L3MBTL4: variants seen among roughly 807,000 people sequenced by gnomAD.
L3MBTL4 encodes L3MBTL histone methyl-lysine binding protein 4.
L3MBTL4 carries 70 observed loss-of-function variants against 84.5 expected under a neutral mutation model. The observed-to-expected ratio is 0.83, with a 90% CI of 0.68 to 1.01. The LOEUF is 1.01. L3MBTL4 is among the 50% of genes least tolerant of loss of function. L3MBTL4 has a pLI of 0.00. For synonymous variants in L3MBTL4, 274 were observed against 259.8 expected, an observed-to-expected ratio of 1.05 and a Z score of -0.52; for missense variants, 715 against 754.8, an observed-to-expected ratio of 0.95 and a Z score of 0.62.
intron 17 of L3MBTL4, among the ~76,000 whole-genome samples, chr18:5,965,156 T>C (rs1387395861): frequency 2.6e-5 from 4 of 152,118 alleles, no homozygotes; most frequent in African/African-American, 9.7e-5. Context: ...TCTCGTCTGG[T>C]CTTTCATTTT....
chr18:6,214,552 A>G (rs1021271053), intron 11 of L3MBTL4, among the ~76,000 whole-genome samples: 3 of 152,222 alleles, frequency 2.0e-5, no homozygotes, highest in African/African-American at 7.2e-5. Context: ...AACCCAACTA[A>G]TATGTCAGTA....
At position 6,143,579 on chromosome 18, in the gene L3MBTL4, C is replaced by T. The variant is rs78386062; in HGVS notation, c.1097-5283G>A. ...CGAATGTTTTTGTTCAGAAAATAAT[C>T]GTATTTTTGCCAAGAATAGCTTACT... On this transcript the variant is annotated intron_variant, in intron 13 of 18. Transcript: ENST00000317931. 2.0e-3 allele frequency among the ~76,000 whole-genome samples: 297 copies of T among 152,212 alleles called. 4 individuals are homozygous for T. In the East Asian group the frequency reaches 0.05, roughly 25 times the overall value.
chr18:6,227,600 G>A (rs558689838), intron 10 of L3MBTL4, among the ~76,000 whole-genome samples: 1 of 152,094 alleles, frequency 6.6e-6, no homozygotes, highest in South Asian at 2.1e-4. Flanking sequence ...CACCAAGAGA[G>A]GAATATTTCC....
intron 16 of L3MBTL4, among the ~76,000 whole-genome samples, chr18:5,973,847 G>A (rs138793128): frequency 3.9e-5 from 6 of 152,276 alleles, no homozygotes; most frequent in Non-Finnish European, 7.4e-5. Context: ...CCAGTTGCAC[G>A]ACCTCATTGC....
chr18:6,350,521 C>A, intron 1 of L3MBTL4, among the ~76,000 whole-genome samples: 1 of 150,612 alleles, frequency 6.6e-6, no homozygotes, highest in Non-Finnish European at 1.5e-5. Flanking sequence ...AATGAGATAC[C>A]ACTTTACACA....
At chr18:5,976,607 C>T (rs929807494) in intron 16 of L3MBTL4, among the ~76,000 whole-genome samples, 3 of 152,076 alleles carry the variant, frequency 2.0e-5, no homozygotes, top group Non-Finnish European at 4.4e-5. Flanking sequence ...TCTAGAGGAG[C>T]GGAAGAGTCT....
chr18:6,155,766 G>T (rs1269882532), intron 13 of L3MBTL4, among the ~76,000 whole-genome samples: 1 of 152,082 alleles, frequency 6.6e-6, no homozygotes, highest in Non-Finnish European at 1.5e-5. Flanking sequence ...TTTTAGGTTT[G>T]TGTATATTTG....
chr18:6,189,952 A>G (rs879469382), intron 12 of L3MBTL4, among the ~76,000 whole-genome samples: 1 of 152,238 alleles, frequency 6.6e-6, no homozygotes, highest in Non-Finnish European at 1.5e-5. Context: ...GAAAATGGGC[A>G]GAATCAATGT....
intron 1 of L3MBTL4, among the ~76,000 whole-genome samples, chr18:6,382,069 A>T (rs1335619532): frequency 6.6e-6 from 1 of 151,966 alleles, no homozygotes; most frequent in Non-Finnish European, 1.5e-5. Flanking sequence ...TTCACATTTT[A>T]TTTCATTAAG....
chr18:6,317,432 G>C (rs1197111803), intron 1 of L3MBTL4, among the ~76,000 whole-genome samples: 1 of 152,042 alleles, frequency 6.6e-6, no homozygotes. Context: ...ATCTGGAAAT[G>C]AAAGACACAC....
At chr18:6,021,034 G>A (rs1166050811) in intron 16 of L3MBTL4, among the ~76,000 whole-genome samples, 1 of 152,254 alleles carries the variant, frequency 6.6e-6, no homozygotes, top group African/African-American at 2.4e-5. Context: ...GGAAAGGCCA[G>A]ATGGGAGAAA....
At chr18:6,079,975 T>C (rs551780757) in intron 16 of L3MBTL4, 1 of 152,360 alleles carries the variant, frequency 6.6e-6, no homozygotes, top group East Asian at 1.9e-4. Context: ...AAATCCACAA[T>C]TCCTCCAACA....
rs192678072 is a variant in L3MBTL4 at position 6,032,272 on chromosome 18, C to T, written c.1444+48609G>A. On this transcript the variant is annotated intron_variant, in intron 16 of 18. Transcript: ENST00000317931. Reference sequence around the variant, plus strand: ...GATTACAGGCATGAGCCACCGCACTCGGCCTTAAATTAAAAAAAAAAAAAA... The same window carrying T: ...GATTACAGGCATGAGCCACCGCACTTGGCCTTAAATTAAAAAAAAAAAAAA... 199 of 950,020 alleles carry T rather than the reference C, an allele frequency of 2.1e-4. 1 individual carries two copies. In the South Asian group the frequency reaches 2.5e-3, roughly 12 times the overall value. 58.8% of individuals were successfully genotyped at this position (950,020 alleles called of 1,614,324 possible).
intron 4 of L3MBTL4, among the ~76,000 whole-genome samples, chr18:6,284,594 G>A (rs2049477970): frequency 1.3e-5 from 2 of 152,262 alleles, no homozygotes; most frequent in South Asian, 4.1e-4. Context: ...TGCGCACGCA[G>A]GCTGTTCCCA....
intron 1 of L3MBTL4, chr18:6,374,244 G>A (rs2054275763): frequency 6.6e-6 from 1 of 152,556 alleles, no homozygotes; most frequent in East Asian, 1.9e-4. Flanking sequence ...TATCCCCTGT[G>A]CTCTGGTTCT....
At chr18:6,183,144 C>T (rs73383927) in intron 12 of L3MBTL4, among the ~76,000 whole-genome samples, 1 of 152,176 alleles carries the variant, frequency 6.6e-6, no homozygotes, top group African/African-American at 2.4e-5. Context: ...AATAGAATCC[C>T]CAGGGTTTTA....
At chr18:6,090,790 A>T (rs1483116087) in intron 15 of L3MBTL4, among the ~76,000 whole-genome samples, 38 of 129,674 alleles carry the variant, frequency 2.9e-4, no homozygotes, top group African/African-American at 6.8e-4. Flanking sequence ...ACACCCACCT[A>T]TTTTTTTTTT....
chr18:6,233,033 G>A (rs1398821756), intron 10 of L3MBTL4, among the ~76,000 whole-genome samples: 1 of 151,992 alleles, frequency 6.6e-6, no homozygotes, highest in Non-Finnish European at 1.5e-5. Context: ...ATCAATAAAC[G>A]TAATCCAGCA....
chr18:6,111,882 G>T (rs1370890786), intron 14 of L3MBTL4, among the ~76,000 whole-genome samples: 1 of 152,034 alleles, frequency 6.6e-6, no homozygotes, highest in African/African-American at 2.4e-5. Flanking sequence ...CAATTTTCAA[G>T]AATACAACAC....
Sources: allele counts gnomAD v4.1 joint callset (sites outside exome capture counted in the v4.1 genomes callset), GRCh38; gene constraint gnomAD v4.1.1; transcripts MANE v1.5; gene names NCBI Gene and HGNC (gene_info 2026-07-23, HGNC 2026-07-21).